The following SLCO1B3 variants were observed in gnomAD, a reference collection of about 807,000 sequenced individuals.
SLCO1B3 encodes solute carrier organic anion transporter family member 1B3.
In SLCO1B3, 72 loss-of-function variants were observed where a neutral mutation model predicts 71.8. The observed-to-expected ratio is 1.00, with a 90% CI of 0.83 to 1.22. SLCO1B3 has a LOEUF of 1.22. Among genes scored for constraint, SLCO1B3 ranks in the 50% most tolerant of loss-of-function variants. The pLI is 0.00. For synonymous variants in SLCO1B3, 298 were observed against 278.4 expected, an observed-to-expected ratio of 1.07 and a Z score of -0.70; for missense variants, 911 against 819.7, an observed-to-expected ratio of 1.11 and a Z score of -1.36.
At chr12:20,882,056 A>G (rs1865705492) in intron 12 of SLCO1B3, among the ~76,000 whole-genome samples, 1 of 152,136 alleles carries the variant, frequency 6.6e-6, no homozygotes, top group African/African-American at 2.4e-5. Context: ...CCCACATCTC[A>G]TATTCATCAG....
chr12:20,854,474 T>C (rs1865091468), intron 3 of SLCO1B3, among the ~76,000 whole-genome samples: 1 of 152,202 alleles, frequency 6.6e-6, no homozygotes, highest in Non-Finnish European at 1.5e-5. Flanking sequence ...GAGACAGATT[T>C]TGTCATAAAA....
At chr12:20,901,535 C>A in intron 15 of SLCO1B3, 68 bp downstream of exon 15, 2 of 769,164 alleles carry the variant, frequency 2.6e-6, no homozygotes, top group Non-Finnish European at 2.1e-6. Flanking sequence ...TAAGATATAG[C>A]ATTTTTAGTG....
rs11380506 is a variant in SLCO1B3, at chr12:20,842,502, G to GAT, written c.85-12526_85-12525insAT. On this transcript the variant is annotated intron_variant, in intron 3 of 15. Transcript: ENST00000381545. ...TGGGCTATTATTTATACAGCTACAAGTTTTTTTTTAATTGCTTCTTATTCT... is the reference window on the plus strand; with the variant it reads ...TGGGCTATTATTTATACAGCTACAAGATTTTTTTTTTAATTGCTTCTTATTCT... Among the ~76,000 whole-genome samples, 7 of 151,816 alleles carry GAT rather than the reference G, an allele frequency of 4.6e-5. No individual in the cohort carries two copies. The South Asian group carries it at 6.2e-4, about 14-fold the overall frequency.
chr12:20,856,873 T>C (rs1183992704), intron 4 of SLCO1B3, among the ~76,000 whole-genome samples: 2 of 152,146 alleles, frequency 1.3e-5, no homozygotes, highest in Non-Finnish European at 2.9e-5. Context: ...ACTACACCTT[T>C]TTACCTAAAG....
intron 12 of SLCO1B3, among the ~76,000 whole-genome samples, chr12:20,882,237 C>T (rs969068172): frequency 6.6e-6 from 1 of 152,110 alleles, no homozygotes; most frequent in South Asian, 2.1e-4. Flanking sequence ...CTGCAAAGTT[C>T]CTTTACTAAA....
rs1230533044 is a variant in SLCO1B3 at position 20,881,025 on chromosome 12, G to A, written c.1497+5G>A. 2 of 1,576,442 alleles carry A rather than the reference G, an allele frequency of 1.3e-6. No homozygotes were observed. The highest frequency in any genetic ancestry group is 1.2e-5 in the South Asian group (1 of 84,758). On this transcript the variant is annotated splice_donor_5th_base_variant and intron_variant, in intron 12 of 15. Transcript: ENST00000381545. ...AGTGGTATTAAAAAGCATACAGTGA[G>A]TATTAGTTTTCACTTTTTCTCCTCT... is the stretch of plus-strand genomic sequence containing the variant.
chr12:20,862,233 T>G (rs560566179), intron 6 of SLCO1B3, among the ~76,000 whole-genome samples, 179 bp from the exon 7 acceptor site: 2 of 152,166 alleles, frequency 1.3e-5, no homozygotes, highest in East Asian at 3.8e-4. Context: ...TATAGAAAAT[T>G]TTTACTTGTT....
At chr12:20,913,876 C>A (rs1866437896) in intron 15 of SLCO1B3, among the ~76,000 whole-genome samples, 1 of 152,136 alleles carries the variant, frequency 6.6e-6, no homozygotes, top group Non-Finnish European at 1.5e-5. Flanking sequence ...CTCAGCCTCC[C>A]ATGTAGCTGG....
intron 13 of SLCO1B3, among the ~76,000 whole-genome samples, chr12:20,891,382 G>T (rs904566934): frequency 2.6e-5 from 4 of 151,912 alleles, no homozygotes; most frequent in Admixed American, 6.6e-5. Context: ...TTCCTGCTGA[G>T]AAGTCTGTTG....
At chr12:20,895,963 C>T (rs1365816751) in intron 13 of SLCO1B3, among the ~76,000 whole-genome samples, 1 of 152,194 alleles carries the variant, frequency 6.6e-6, no homozygotes. Flanking sequence ...TGGAAGCTGC[C>T]AAGGCTTGGG....
intron 3 of SLCO1B3, among the ~76,000 whole-genome samples, chr12:20,849,711 TCA>T (rs146186543): frequency 0.052 from 6,563 of 126,122 alleles, 411 homozygotes; most frequent in African/African-American, 0.14. Context: ...TAGTAGAAAA[TCA>T]CACACACACA....
chr12:20,848,419 A>C (rs561353588), intron 3 of SLCO1B3, among the ~76,000 whole-genome samples: 2 of 152,272 alleles, frequency 1.3e-5, no homozygotes, highest in African/African-American at 4.8e-5. Flanking sequence ...TTGTAAAACA[A>C]TCTGATAGTT....
intron 13 of SLCO1B3, among the ~76,000 whole-genome samples, chr12:20,897,949 T>C (rs1422335696): frequency 6.6e-6 from 1 of 152,178 alleles, no homozygotes; most frequent in Non-Finnish European, 1.5e-5. Flanking sequence ...ACAGAAAAGT[T>C]TTTTGACCCT....
chr12:20,856,724 T>C (rs1275872093), intron 4 of SLCO1B3, among the ~76,000 whole-genome samples: 6 of 152,170 alleles, frequency 3.9e-5, no homozygotes. Flanking sequence ...CACATCCGGC[T>C]AATTTTCGTA....
At chr12:20,869,770 C>T (rs6487166) in intron 8 of SLCO1B3, among the ~76,000 whole-genome samples, 110,156 of 152,062 alleles carry the variant, frequency 0.72, 42,506 homozygotes, top group South Asian at 0.9. Flanking sequence ...ATTTAGACTG[C>T]TGTGAAGAGT....
chr12:20,845,462 C>T (rs1317951297), intron 3 of SLCO1B3, among the ~76,000 whole-genome samples: 2 of 152,144 alleles, frequency 1.3e-5, no homozygotes, highest in African/African-American at 4.8e-5. Flanking sequence ...GTCTCAACTT[C>T]TCCTTGTGTA....
At chr12:20,858,679 C>A in intron 5 of SLCO1B3, 108 bp downstream of exon 5, 2 of 1,002,116 alleles carry the variant, frequency 2.0e-6, no homozygotes. Flanking sequence ...AGAGGAATAC[C>A]TATAGGTATG....
chr12:20,840,247 A>AT (rs1437321546), intron 3 of SLCO1B3, among the ~76,000 whole-genome samples: 2 of 152,098 alleles, frequency 1.3e-5, no homozygotes, highest in Non-Finnish European at 2.9e-5. Context: ...GATGTATTGG[A>AT]TAAAAACCTG....
intron 3 of SLCO1B3, among the ~76,000 whole-genome samples, chr12:20,839,646 A>C (rs1250934147): frequency 6.6e-6 from 1 of 152,088 alleles, no homozygotes; most frequent in East Asian, 1.9e-4. Flanking sequence ...TGGACTCTTT[A>C]AAGCATTTAT....
Sources: allele counts gnomAD v4.1 joint callset (sites outside exome capture counted in the v4.1 genomes callset), GRCh38; gene constraint gnomAD v4.1.1; transcripts MANE v1.5; gene names NCBI Gene and HGNC (gene_info 2026-07-23, HGNC 2026-07-21).